The following FANCC variants were observed in gnomAD, a reference collection of about 807,000 sequenced individuals.
FANCC encodes the protein Fanconi anemia group C protein.
In FANCC, 55 loss-of-function variants were observed where a neutral mutation model predicts 71.3. That is an observed-to-expected ratio of 0.77 (90% CI 0.62 to 0.97). The LOEUF (loss-of-function observed/expected upper bound fraction) is 0.97. Ranked by LOEUF, FANCC falls within the 50% of genes least tolerant of loss-of-function variation. The pLI, the probability that FANCC is intolerant of heterozygous loss-of-function variation, is 0.00. For synonymous variants in FANCC, 275 were observed against 244.9 expected (o/e 1.12, Z -1.15); for missense variants, 678 against 670.9 (o/e 1.01, Z -0.12).
In FANCC at chr9:95,177,549, G is replaced by C. The variant is rs1271099696; in HGVS notation, c.346-5402C>G. 2.0e-5 allele frequency among the ~76,000 whole-genome samples: 3 copies of C among 152,130 alleles called. No homozygotes were observed. In the East Asian group the frequency reaches 5.8e-4, roughly 29 times the overall value. ...CAAATTTGATAAACCTTTTATTTTTGTTGAACTTTTGGACTATTACAATCA... is the reference window on the plus strand; with the variant it reads ...CAAATTTGATAAACCTTTTATTTTTCTTGAACTTTTGGACTATTACAATCA... On this transcript the variant is annotated intron_variant, in intron 4 of 14. Transcript: ENST00000289081.
Position 95,125,094 on chromosome 9 carries a change from T to C in FANCC, c.988A>G (p.Ser330Gly). 10 of 1,614,062 alleles carry C rather than the reference T, an allele frequency of 6.2e-6. No homozygotes were observed. Among genetic ancestry groups the C allele is most frequent in the Non-Finnish European group, 7.6e-6 (9 of 1,179,882 alleles). ...QCFVEALEKA[S>G]KQLRFALKTY... ...TATGTGATATAACAAACCTGCTTGCTTGCTTTCTCCAGAGCTTCTACAAAG... is the reference window on the plus strand; with the variant it reads ...TATGTGATATAACAAACCTGCTTGCCTGCTTTCTCCAGAGCTTCTACAAAG... Residue 330 changes from serine to glycine, a missense_variant, in exon 10 of 15, where the codon AGC becomes GGC. By Grantham distance (56) the Ser-to-Gly change is moderately conservative (BLOSUM62 0). Coordinates refer to ENST00000289081, the MANE Select transcript of FANCC (RefSeq NM_000136.3).
At chr9:95,243,844 G>A (rs1830776581) in intron 3 of FANCC, among the ~76,000 whole-genome samples, 1 of 152,154 alleles carries the variant, frequency 6.6e-6, no homozygotes, top group Non-Finnish European at 1.5e-5. Flanking sequence ...ATCCCTTCCA[G>A]GAAGAAAGCG....
intron 4 of FANCC, among the ~76,000 whole-genome samples, chr9:95,209,139 A>C (rs1175685000): frequency 5.3e-5 from 8 of 152,242 alleles, no homozygotes; most frequent in Admixed American, 5.2e-4. Context: ...ATGGCTAGAT[A>C]ATCTATGATT....
intron 6 of FANCC, among the ~76,000 whole-genome samples, chr9:95,158,440 CAG>C (rs1830564503): frequency 1.3e-5 from 2 of 151,906 alleles, no homozygotes; most frequent in Non-Finnish European, 2.9e-5. Flanking sequence ...CGGTAGAGAA[CAG>C]GAAGAACAAT....
At chr9:95,126,754 C>T in intron 8 of FANCC, 173 bp from the exon 9 acceptor site, 1 of 656,954 alleles carries the variant, frequency 1.5e-6, no homozygotes, top group South Asian at 1.7e-5. Flanking sequence ...CATACAAGTG[C>T]ATACGGTGGT....
intron 4 of FANCC, among the ~76,000 whole-genome samples, chr9:95,213,932 A>C (rs1463103667): frequency 6.6e-6 from 1 of 152,234 alleles, no homozygotes; most frequent in Non-Finnish European, 1.5e-5. Context: ...GGAATGTATA[A>C]AGAACTAAAA....
intron 6 of FANCC, among the ~76,000 whole-genome samples, chr9:95,170,741 C>T (rs2404458): frequency 0.026 from 3,932 of 150,560 alleles, 151 homozygotes; most frequent in African/African-American, 0.08. Flanking sequence ...TGCATCTGTG[C>T]ACATTCTCCT....
At chr9:95,135,088 T>G (rs1827474338) in intron 8 of FANCC, among the ~76,000 whole-genome samples, 1 of 152,242 alleles carries the variant, frequency 6.6e-6, no homozygotes, top group South Asian at 2.1e-4. Context: ...AAGTCTGTTG[T>G]GCAAATGTCA....
intron 4 of FANCC, among the ~76,000 whole-genome samples, chr9:95,172,352 TAAAC>T (rs1235592493): frequency 2.0e-5 from 3 of 152,222 alleles, no homozygotes; most frequent in East Asian, 1.9e-4. Context: ...GAAGTCAATT[TAAAC>T]AAACATTAGC....
chr9:95,230,768 G>A (rs974802747), intron 4 of FANCC, among the ~76,000 whole-genome samples: 5 of 152,088 alleles, frequency 3.3e-5, no homozygotes, highest in East Asian at 1.9e-4. Flanking sequence ...GCTGGTGGCC[G>A]CTGCTGGCTG....
chr9:95,229,769 GTA>G (rs1829870357), intron 4 of FANCC, among the ~76,000 whole-genome samples: 1 of 70,552 alleles, frequency 1.4e-5, no homozygotes, highest in Non-Finnish European at 2.9e-5. Context: ...GTGCACACAT[GTA>G]CACACACACA....
chr9:95,247,212 CGTGT>C (rs3030679), intron 3 of FANCC, among the ~76,000 whole-genome samples: 48 of 149,624 alleles, frequency 3.2e-4, no homozygotes, highest in African/African-American at 5.9e-4. Context: ...TGCGTGCACG[CGTGT>C]GTGTGTGTGT....
At chr9:95,115,232 A>G (rs184120021) in intron 11 of FANCC, among the ~76,000 whole-genome samples, 85 of 152,278 alleles carry the variant, frequency 5.6e-4, no homozygotes, top group Non-Finnish European at 1.2e-3. Flanking sequence ...ATTAATCACC[A>G]CGCTTGCCCT....
intron 12 of FANCC, among the ~76,000 whole-genome samples, chr9:95,113,418 T>C (rs1056585671): frequency 6.6e-6 from 1 of 152,104 alleles, no homozygotes; most frequent in Non-Finnish European, 1.5e-5. Flanking sequence ...AAGAGTGTTA[T>C]GATACAAGGA....
intron 7 of FANCC, among the ~76,000 whole-genome samples, chr9:95,149,188 A>T (rs1588178549): frequency 6.6e-6 from 1 of 152,228 alleles, no homozygotes; most frequent in East Asian, 1.9e-4. Context: ...TTAAAAATTT[A>T]GTTTCAAATA....
At chr9:95,197,304 A>C (rs1276816503) in intron 4 of FANCC, among the ~76,000 whole-genome samples, 7 of 152,184 alleles carry the variant, frequency 4.6e-5, no homozygotes, top group Non-Finnish European at 1.0e-4. Flanking sequence ...TGAGAGGCCG[A>C]GGTAGGAGGA....
chr9:95,195,485 C>A (rs1294822341), intron 4 of FANCC, among the ~76,000 whole-genome samples: 3 of 152,210 alleles, frequency 2.0e-5, no homozygotes, highest in Admixed American at 2.0e-4. Flanking sequence ...GTGTCCACGC[C>A]TCTGTCAATA....
At chr9:95,263,706 G>A (rs765791929) in intron 1 of FANCC, among the ~76,000 whole-genome samples, 3 of 152,024 alleles carry the variant, frequency 2.0e-5, no homozygotes, top group South Asian at 2.1e-4. Context: ...AATGCGAGTC[G>A]AAAAGGCAAA....
intron 4 of FANCC, among the ~76,000 whole-genome samples, chr9:95,229,691 C>A (rs926021518): frequency 6.6e-6 from 1 of 151,960 alleles, no homozygotes; most frequent in Non-Finnish European, 1.5e-5. Flanking sequence ...ACACAGGCAG[C>A]TGAAAATGTG....
Sources: gnomAD v4.1 joint callset for allele counts (sites outside exome capture counted in the v4.1 genomes callset) on GRCh38, gnomAD v4.1.1 for gene constraint, MANE v1.5 for transcripts, NCBI Gene and HGNC (gene_info 2026-07-23, HGNC 2026-07-21) for gene names.